Variants in PDZD2 observed in about 807,000 individuals in gnomAD.
The protein encoded by PDZD2 is PDZ domain containing 2.
A neutral mutation model predicts 220.7 loss-of-function variants in PDZD2; 90 were observed. That is an observed-to-expected ratio of 0.41 (90% CI 0.34 to 0.49). PDZD2 has a LOEUF of 0.49. Ranked by LOEUF, PDZD2 falls within the 20% of genes least tolerant of loss-of-function variation. The pLI is 0.28. For missense variants in PDZD2, 3,174 were observed against 3,608.5 expected (o/e 0.88, Z 3.08); for synonymous variants, 1,375 against 1,450.5 (o/e 0.95, Z 1.18).
chr5:32,082,326 CAT>C (rs1180742307), intron 19 of PDZD2, among the ~76,000 whole-genome samples: 1 of 152,014 alleles, frequency 6.6e-6, no homozygotes, highest in Admixed American at 6.6e-5. Flanking sequence ...CTAGCCAAAA[CAT>C]ATCTTTTTTA....
chr5:31,726,931 A>T (rs776062301), intron 1 of PDZD2, among the ~76,000 whole-genome samples: 1 of 152,202 alleles, frequency 6.6e-6, no homozygotes, highest in East Asian at 1.9e-4. Context: ...ACATCTGCTC[A>T]GCTTCTGGGG....
intron 6 of PDZD2, among the ~76,000 whole-genome samples, chr5:32,018,601 A>G (rs1335048594): frequency 6.6e-6 from 1 of 152,226 alleles, no homozygotes; most frequent in Non-Finnish European, 1.5e-5. Context: ...AAACTGCCTC[A>G]TTCTCGGCAC....
intron 1 of PDZD2, among the ~76,000 whole-genome samples, chr5:31,789,123 T>C (rs906650669): frequency 2.0e-5 from 3 of 152,208 alleles, no homozygotes; most frequent in African/African-American, 7.2e-5. Flanking sequence ...AGGTAGGATG[T>C]CTGGGGCTGG....
intron 1 of PDZD2, among the ~76,000 whole-genome samples, chr5:31,732,092 C>G (rs1749565508): frequency 6.6e-6 from 1 of 152,212 alleles, no homozygotes; most frequent in Non-Finnish European, 1.5e-5. Context: ...CCCTCATCCT[C>G]TACATGCGTA....
At chr5:31,908,082 CAAAAAAAAAAAAAAA>C (rs55741622) in intron 2 of PDZD2, among the ~76,000 whole-genome samples, 3 of 76,894 alleles carry the variant, frequency 3.9e-5, no homozygotes, top group East Asian at 1.2e-3. Context: ...GGCTCCGTCT[CAAAAAAAAAAAAAAA>C]AAAAAAAAAA....
At chr5:32,015,540 C>T (rs1216396141) in intron 6 of PDZD2, among the ~76,000 whole-genome samples, 1 of 152,216 alleles carries the variant, frequency 6.6e-6, no homozygotes, top group East Asian at 1.9e-4. Context: ...AAGTGAGCCA[C>T]CTCGCCTGGC....
At chr5:31,940,303 A>G (rs1018484270) in intron 2 of PDZD2, among the ~76,000 whole-genome samples, 1 of 152,178 alleles carries the variant, frequency 6.6e-6, no homozygotes, top group African/African-American at 2.4e-5. Flanking sequence ...TTGTAGGCCC[A>G]TCTGCCCAGA....
chr5:32,045,147 G>A (rs1737806338), intron 7 of PDZD2, among the ~76,000 whole-genome samples: 1 of 152,208 alleles, frequency 6.6e-6, no homozygotes, highest in Admixed American at 6.5e-5. Flanking sequence ...TTTCAGATGA[G>A]TAAGCATGCC....
At chr5:31,871,321 A>G (rs1738771195) in intron 2 of PDZD2, among the ~76,000 whole-genome samples, 1 of 152,228 alleles carries the variant, frequency 6.6e-6, no homozygotes, top group African/African-American at 2.4e-5. Context: ...TGTATTTGGA[A>G]TAGCCTTTTG....
intron 2 of PDZD2, among the ~76,000 whole-genome samples, chr5:31,862,886 C>G (rs547607436): frequency 1.3e-5 from 2 of 152,258 alleles, no homozygotes; most frequent in East Asian, 3.9e-4. Flanking sequence ...GCCGCTACGC[C>G]CAGCTAATTT....
At chr5:31,661,785 G>GTTTTTTTTTTTTTTTT (rs5867089) in intron 1 of PDZD2, among the ~76,000 whole-genome samples, 8 of 141,804 alleles carry the variant, frequency 5.6e-5, no homozygotes, top group African/African-American at 5.2e-5. Flanking sequence ...TCCTCCCTTG[G>GTTTTTTTTTTTTTTTT]TTTTTTTTTT....
chr5:31,935,998 C>G (rs1354224796), intron 2 of PDZD2: 1 of 641,548 alleles, frequency 1.6e-6, no homozygotes, highest in Non-Finnish European at 1.9e-6. Context: ...TTCCAATACA[C>G]TGGCAGGGCA....
At chr5:32,015,034 T>A (rs1288826641) in intron 6 of PDZD2, among the ~76,000 whole-genome samples, 1 of 147,946 alleles carries the variant, frequency 6.8e-6, no homozygotes, top group African/African-American at 2.5e-5. Context: ...CTCCGCCTCC[T>A]GGGTTCAAGC....
At position 31,822,820 on chromosome 5, in the gene PDZD2, T is replaced by C. The variant is rs1580826948; in HGVS notation, c.476+23096T>C. On this transcript the variant is annotated intron_variant, in intron 2 of 24. Transcript: ENST00000438447. The stretch of plus-strand genomic sequence containing the variant: ...GATTTCAACAGAAGACCAATTCTCC[T>C]GGATAATGATGTTGATGGGGAAGTG... The C allele has an allele frequency of 4.7e-6, 4 of 843,582 alleles. No homozygotes were observed. The South Asian group carries it at 5.2e-5, about 11-fold the overall frequency. The allele number at this position is 843,582 out of a possible 1,614,324, so 52.3% of individuals were successfully genotyped here.
chr5:32,034,147 T>C (rs992747252), intron 6 of PDZD2, among the ~76,000 whole-genome samples: 2 of 152,114 alleles, frequency 1.3e-5, no homozygotes, highest in African/African-American at 4.8e-5. Flanking sequence ...GAAAACTTCC[T>C]AAGTCCAGAA....
chr5:31,793,711 G>A (rs991637044), intron 1 of PDZD2, among the ~76,000 whole-genome samples: 1 of 152,240 alleles, frequency 6.6e-6, no homozygotes, highest in African/African-American at 2.4e-5. Flanking sequence ...GGGAGACTGA[G>A]GCTGAGAATC....
At chr5:31,788,848 C>A (rs1031999371) in intron 1 of PDZD2, among the ~76,000 whole-genome samples, 1 of 152,126 alleles carries the variant, frequency 6.6e-6, no homozygotes, top group Non-Finnish European at 1.5e-5. Context: ...TGTGCTTTCA[C>A]CTTTTTAAGG....
In PDZD2 at chr5:31,866,618, G is replaced by C. The variant is rs982080800; in HGVS notation, c.476+66894G>C. The stretch of plus-strand genomic sequence containing the variant: ...TAAAAAAGAAGAGAAAGGGAAGACA[G>C]AAAGCTGCTGACCCTGCCAGCTGAC... On this transcript the variant is annotated intron_variant, in intron 2 of 24. Coordinates refer to ENST00000438447, the MANE Select transcript of PDZD2 (RefSeq NM_178140.4). 3.9e-5 allele frequency among the ~76,000 whole-genome samples: 6 copies of C among 152,320 alleles called. No individual in the cohort carries two copies. The East Asian group carries it at 1.2e-3, about 29-fold the overall frequency.
In PDZD2 at chr5:32,089,220, C is replaced by G. The variant is rs138918757; in HGVS notation, c.5772C>G (p.His1924Gln). Residue 1924 changes from histidine to glutamine, a missense_variant, in exon 20 of 25, where the codon CAC becomes CAG. Physicochemically the swap from His to Gln is conservative, Grantham distance 24 (BLOSUM62 0). Around this residue, in one of 4 missense-constraint regions of PDZD2, gnomAD observed 1,861 missense variants for 2,001.0 expected, o/e 0.93. Transcript: ENST00000438447. ...RKPLISPQTSHKTLSKAVSQR... is the reference protein window; with the variant it reads ...RKPLISPQTSQKTLSKAVSQR... ...CCTTGATCTCACCCCAGACCTCCCA[C>G]AAAACACTTTCTAAGGCAGTGTCAC... 2 of 1,614,068 alleles carry G rather than the reference C, an allele frequency of 1.2e-6. No individual in the cohort carries two copies. Among genetic ancestry groups the G allele is most frequent in the African/African-American group, 2.7e-5 (2 of 74,920 alleles).
Sources: allele counts gnomAD v4.1 joint callset (sites outside exome capture counted in the v4.1 genomes callset), GRCh38; gene constraint gnomAD v4.1.1; regional missense constraint gnomAD v4.1.1; transcripts MANE v1.5; gene names NCBI Gene and HGNC (gene_info 2026-07-23, HGNC 2026-07-21).